The following DYM variants were observed in gnomAD, a reference collection of about 807,000 sequenced individuals.
DYM encodes dyggve-Melchior-Clausen syndrome protein.
Under a neutral mutation model 93.1 loss-of-function variants are expected in DYM, and 78 were observed. The observed-to-expected ratio is 0.84, with a 90% CI of 0.70 to 1.01. The LOEUF (loss-of-function observed/expected upper bound fraction) is 1.01. DYM is among the 50% of genes least tolerant of loss of function. The pLI is 0.00. For missense variants in DYM, 789 were observed against 845.0 expected (o/e 0.93, Z 0.82); for synonymous variants, 321 against 319.7 (o/e 1.00, Z -0.04).
At chr18:49,377,257 ATAT>A (rs1568341525) in intron 5 of DYM, among the ~76,000 whole-genome samples, 1 of 152,092 alleles carries the variant, frequency 6.6e-6, no homozygotes, top group Non-Finnish European at 1.5e-5. Context: ...CTTCCCCATA[ATAT>A]TGTTTTTAAA....
intron 17 of DYM, among the ~76,000 whole-genome samples, chr18:49,058,450 G>C (rs2075689635): frequency 2.0e-5 from 3 of 151,838 alleles, no homozygotes. Context: ...TTCCTGAGTA[G>C]CTAGGACCAC....
At chr18:49,132,931 C>T (rs1027233171) in intron 15 of DYM, among the ~76,000 whole-genome samples, 1 of 152,098 alleles carries the variant, frequency 6.6e-6, no homozygotes, top group African/African-American at 2.4e-5. Context: ...GGCTTCCTGA[C>T]AAACAACTCG....
At chr18:49,403,259 G>C (rs1599952147) in intron 2 of DYM, among the ~76,000 whole-genome samples, 1 of 152,236 alleles carries the variant, frequency 6.6e-6, no homozygotes, top group South Asian at 2.1e-4. Context: ...TAGTACCAAA[G>C]CAGCTCTATT....
intron 13 of DYM, among the ~76,000 whole-genome samples, chr18:49,256,678 T>G (rs2094399375): frequency 1.3e-5 from 2 of 152,236 alleles, no homozygotes; most frequent in Non-Finnish European, 2.9e-5. Context: ...TCCTTAAAAG[T>G]GTAGTGTGAT....
chr18:49,102,689 G>A (rs1427347626), intron 16 of DYM, among the ~76,000 whole-genome samples: 1 of 152,118 alleles, frequency 6.6e-6, no homozygotes, highest in East Asian at 1.9e-4. Flanking sequence ...CCTTGCGATA[G>A]TTTGCTGAAA....
chr18:49,156,367 A>G (rs368780994), intron 15 of DYM, among the ~76,000 whole-genome samples: 41 of 152,108 alleles, frequency 2.7e-4, no homozygotes, highest in African/African-American at 9.2e-4. Context: ...TCCTGCAACC[A>G]GCCAGCAAAT....
At chr18:49,440,053 TAAAA>T (rs2081198393) in intron 1 of DYM, among the ~76,000 whole-genome samples, 1 of 116,392 alleles carries the variant, frequency 8.6e-6, no homozygotes. Context: ...AATAAATAAA[TAAAA>T]CATGATATGC....
intron 9 of DYM, among the ~76,000 whole-genome samples, chr18:49,285,766 G>C (rs923213846): frequency 1.3e-5 from 2 of 152,200 alleles, no homozygotes; most frequent in African/African-American, 4.8e-5. Context: ...CTTGCTTTTA[G>C]AATGTAACCT....
intron 6 of DYM, among the ~76,000 whole-genome samples, chr18:49,336,157 T>C (rs1599513912): frequency 6.6e-6 from 1 of 152,284 alleles, no homozygotes; most frequent in South Asian, 2.1e-4. Context: ...GAATCAGCTG[T>C]GGTGGTTTAC....
intron 1 of DYM, among the ~76,000 whole-genome samples, chr18:49,441,228 TTA>T (rs1261694021): frequency 3.0e-5 from 1 of 33,410 alleles, no homozygotes; most frequent in Non-Finnish European, 5.5e-5. Flanking sequence ...TATAATTATA[TTA>T]TATATAATAT....
Position 49,140,747 on chromosome 18 carries a change from A to T in DYM, c.1729-21821T>A, listed in dbSNP as rs181474306. On this transcript the variant is annotated intron_variant, in intron 15 of 17. Transcript: ENST00000675505. ...GTATGGACATATCCTAAGATGAGAC[A>T]GGCTAAATAGGAGAATGAGAATAAT... Among the ~76,000 whole-genome samples the T allele has an allele frequency of 1.0e-3, 159 of 152,362 alleles. 2 individuals are homozygous for T. The highest frequency in any genetic ancestry group is 1.6e-3 in the Admixed American group (25 of 15,302).
chr18:49,265,300 A>C (rs2094552043), intron 11 of DYM, among the ~76,000 whole-genome samples: 1 of 152,200 alleles, frequency 6.6e-6, no homozygotes, highest in Admixed American at 6.5e-5. Context: ...AGCCCCTTGG[A>C]AAAATTGACA....
chr18:49,413,094 C>G (rs534831332), intron 2 of DYM: 1 of 152,158 alleles, frequency 6.6e-6, no homozygotes, highest in Non-Finnish European at 1.5e-5. Context: ...GATTACCATA[C>G]GATTTAATGC....
At chr18:49,185,694 T>C (rs530198099) in intron 14 of DYM, among the ~76,000 whole-genome samples, 16 of 152,358 alleles carry the variant, frequency 1.1e-4, no homozygotes, top group African/African-American at 3.8e-4. Context: ...GCATGTGACA[T>C]GTACTGTGCA....
At chr18:49,332,080 A>AG in intron 7 of DYM, 74 bp from the exon 8 acceptor site, 1 of 1,451,692 alleles carries the variant, frequency 6.9e-7, no homozygotes, top group Non-Finnish European at 9.5e-7. Context: ...ATACAGAAAT[A>AG]ATTCTGCCAT....
At chr18:49,405,026 A>AG (rs1473425448) in intron 2 of DYM, among the ~76,000 whole-genome samples, 21 of 151,594 alleles carry the variant, frequency 1.4e-4, no homozygotes, top group Non-Finnish European at 2.7e-4. Context: ...AAAAAAAAAA[A>AG]AAAGAAAGAA....
chr18:49,237,828 A>G (rs1347276844), intron 13 of DYM, among the ~76,000 whole-genome samples: 1 of 152,166 alleles, frequency 6.6e-6, no homozygotes, highest in East Asian at 1.9e-4. Context: ...CACTAATCAC[A>G]TACTACATGT....
At chr18:49,209,893 G>C (rs991696577) in intron 13 of DYM, among the ~76,000 whole-genome samples, 178 bp from the exon 14 acceptor site, 1 of 151,466 alleles carries the variant, frequency 6.6e-6, no homozygotes, top group Admixed American at 6.6e-5. Flanking sequence ...AATAAAAAAT[G>C]GGCAAAAGAT....
At chr18:49,127,264 T>C (rs1490580965) in intron 15 of DYM, among the ~76,000 whole-genome samples, 2 of 152,254 alleles carry the variant, frequency 1.3e-5, no homozygotes, top group Non-Finnish European at 2.9e-5. Flanking sequence ...TTTTCAGATG[T>C]TTCTGATACA....
Sources: gnomAD v4.1 joint callset for allele counts (sites outside exome capture counted in the v4.1 genomes callset) on GRCh38, gnomAD v4.1.1 for gene constraint, MANE v1.5 for transcripts, NCBI Gene and HGNC (gene_info 2026-07-23, HGNC 2026-07-21) for gene names.